Variants in OR7A10 observed in about 807,000 individuals in gnomAD.
The protein encoded by OR7A10 is olfactory receptor 7A10.
For missense variants in OR7A10, 358 were observed against 370.1 expected (o/e 0.97, Z 0.27); for synonymous variants, 144 against 144.5 (o/e 1.00, Z 0.02).
chr19:14,845,070 A>AAACACACACAC (rs1568259156), intron 1 of OR7A10, among the ~76,000 whole-genome samples: 1 of 141,628 alleles, frequency 7.1e-6, no homozygotes, highest in African/African-American at 2.6e-5. Context: ...CACACACACA[A>AAACACACACAC]ACACACACAC....
intron 1 of OR7A10, among the ~76,000 whole-genome samples, chr19:14,846,727 G>GAAAAAAAAAAAAAAAAAAAAAA (rs1242384296): frequency 1.3e-5 from 1 of 75,032 alleles, no homozygotes; most frequent in Non-Finnish European, 2.9e-5. Flanking sequence ...AAAAAAAAAG[G>GAAAAAAAAAAAAAAAAAAAAAA]AAAAGGAAGT....
At position 14,840,988 on chromosome 19, in the gene OR7A10, A is replaced by G. The variant is rs776727637; in HGVS notation, c.890T>C (p.Ile297Thr). ...PFIYSLRNKH[I>T]KGAMKTFFRG... ...GAAGAATGTTTTCATAGCACCCTTT[A>G]TGTGTTTATTCCTCAGACTGTAGAT... is the stretch of plus-strand genomic sequence containing the variant. Residue 297 changes from isoleucine to threonine, a missense_variant, in exon 2 of 2, where the codon ATA becomes ACA. Ile to Thr is a moderately conservative substitution (Grantham distance 89, BLOSUM62 -1). Transcript: ENST00000641129. 4.8e-5 allele frequency: 77 copies of G among 1,613,392 alleles called. No homozygotes were observed. The highest frequency in any genetic ancestry group is 6.1e-5 in the Non-Finnish European group (72 of 1,179,838).
In OR7A10 at chr19:14,846,709, C is replaced by CAAAAAAAA. The variant is rs60087409; in HGVS notation, c.-13+1783_-13+1790dup. 1.3e-3 allele frequency among the ~76,000 whole-genome samples: 85 copies of CAAAAAAAA among 64,026 alleles called. 9 individuals carry two copies. In the East Asian group the frequency reaches 0.026, roughly 19 times the overall value. 42.0% of individuals were successfully genotyped at this position (64,026 alleles called of 152,430 possible). On this transcript the variant is annotated intron_variant, in intron 1 of 1. Transcript: ENST00000641129. ...TGGGTGACAGAGCGAGACTCCATCT[C>CAAAAAAAA]AAAAAAAAAAAAAAAAGGAAAAGGA...
Position 14,840,750 on chromosome 19 carries a change from G to T in OR7A10, c.*198C>A. The stretch of plus-strand genomic sequence containing the variant: ...CATGTATGATTGAAAATTATATTCC[G>T]TCATATTTAAGGTCATCTCTGACTC... On this transcript the variant is annotated 3_prime_UTR_variant, in exon 2 of 2. Coordinates refer to ENST00000641129, the MANE Select transcript of OR7A10 (RefSeq NM_001005190.2). 3 of 452,056 alleles carry T rather than the reference G, an allele frequency of 6.6e-6. No individual in the cohort carries two copies. The Admixed American group carries it at 1.1e-4, about 17-fold the overall frequency. 28.0% of individuals were successfully genotyped at this position (452,056 alleles called of 1,614,324 possible). A position where few individuals can be genotyped will look rare whatever the true frequency, so the allele number is the denominator to read the frequency against.
chr19:14,846,068 C>T (rs1160344516), intron 1 of OR7A10, among the ~76,000 whole-genome samples: 1 of 152,088 alleles, frequency 6.6e-6, no homozygotes. Context: ...GCAGGAGAAT[C>T]GCTTCAACCC....
In OR7A10 at chr19:14,844,664, G is replaced by GTTTTTTTTT. The variant is rs1348866444; in HGVS notation, c.-12-2784_-12-2776dup. ...TTTTCACTGTTGCCTTGAGTTCTGT[G>GTTTTTTTTT]TTTTTTTTTTTTTTTTGAGATGGAG... On this transcript the variant is annotated intron_variant, in intron 1 of 1. Coordinates refer to ENST00000641129, the MANE Select transcript of OR7A10 (RefSeq NM_001005190.2). 2.2e-4 allele frequency among the ~76,000 whole-genome samples: 21 copies of GTTTTTTTTT among 97,658 alleles called. 1 individual carries two copies. The highest frequency in any genetic ancestry group is 5.6e-4 in the East Asian group (2 of 3,582). The allele number at this position is 97,658 out of a possible 152,430, so 64.1% of individuals were successfully genotyped here.
intron 1 of OR7A10, among the ~76,000 whole-genome samples, chr19:14,848,148 T>G (rs369204253): frequency 4.0e-4 from 60 of 151,894 alleles, no homozygotes; most frequent in African/African-American, 1.4e-3. Flanking sequence ...CCTCACTTCC[T>G]TTCGTATCCC....
chr19:14,845,720 C>T (rs2044939252), intron 1 of OR7A10, among the ~76,000 whole-genome samples: 1 of 152,092 alleles, frequency 6.6e-6, no homozygotes, highest in African/African-American at 2.4e-5. Context: ...GATATTCATT[C>T]ACTCGTTTTC....
chr19:14,844,664 G>GTTTTTTGTTTTTTTTTTTTTTTTT (rs1555697160), intron 1 of OR7A10, among the ~76,000 whole-genome samples: 7 of 97,660 alleles, frequency 7.2e-5, no homozygotes, highest in East Asian at 2.8e-4. Context: ...TGAGTTCTGT[G>GTTTTTTGTTTTTTTTTTTTTTTTT]TTTTTTTTTT....
chr19:14,846,986 A>G (rs2044945940), intron 1 of OR7A10, among the ~76,000 whole-genome samples: 1 of 152,220 alleles, frequency 6.6e-6, no homozygotes, highest in African/African-American at 2.4e-5. Context: ...TGACCGATGG[A>G]TGGATTTGGC....
At chr19:14,843,514 T>C (rs559919294) in intron 1 of OR7A10, among the ~76,000 whole-genome samples, 1 of 152,296 alleles carries the variant, frequency 6.6e-6, no homozygotes, top group South Asian at 2.1e-4. Flanking sequence ...TTTGTGTCTA[T>C]TGGCCAACAT....
chr19:14,847,724 T>C (rs889593734), intron 1 of OR7A10, among the ~76,000 whole-genome samples: 66 of 151,754 alleles, frequency 4.3e-4, no homozygotes, highest in African/African-American at 1.5e-3. Context: ...CTGTGTTAGC[T>C]AGGATGGTCT....
intron 1 of OR7A10, among the ~76,000 whole-genome samples, chr19:14,846,995 G>A (rs1020777002): frequency 3.9e-5 from 6 of 152,124 alleles, no homozygotes; most frequent in Non-Finnish European, 5.9e-5. Flanking sequence ...GATGGATTTG[G>A]CTACACAAGC....
chr19:14,841,705 G>C lies in OR7A10; in HGVS notation c.173C>G (p.Pro58Arg), dbSNP rs2044914473. 8 of 1,614,140 alleles carry C rather than the reference G, an allele frequency of 5.0e-6. No homozygotes were observed. The highest frequency in any genetic ancestry group is 6.8e-6 in the Non-Finnish European group (8 of 1,180,034). The change falls in exon 2 of 2, where the codon CCC (proline) becomes CGC (arginine). Residue 58 changes from proline to arginine, a missense_variant. Physicochemically the swap from Pro to Arg is moderately radical, Grantham distance 103. Transcript: ENST00000641129. The stretch of plus-strand genomic sequence containing the variant: ...CAGGTTGGAGAGGAAGAAGTACATG[G>C]GGGTGTGGAGGTGGGAGTCTGAGAT... ...ATISDSHLHT[P>R]MYFFLSNLSF...
At chr19:14,842,144 T>G (rs1383430303) in intron 1 of OR7A10, among the ~76,000 whole-genome samples, 1 of 152,154 alleles carries the variant, frequency 6.6e-6, no homozygotes, top group African/African-American at 2.4e-5. Flanking sequence ...GTCATGGGGG[T>G]TTAGTGTATA....
chr19:14,848,205 C>T (rs535605086), intron 1 of OR7A10, among the ~76,000 whole-genome samples: 48 of 152,136 alleles, frequency 3.2e-4, no homozygotes, highest in Admixed American at 1.2e-3. Flanking sequence ...TGCAGTGATG[C>T]TTGGGCAGAT....
rs1555697160 is a variant in OR7A10 at position 14,844,664 on chromosome 19, G to GTTTTTTGTTTTTTTTTTTTT, written c.-12-2776_-12-2775insAAAAAAAAAAAAACAAAAAA. On this transcript the variant is annotated intron_variant, in intron 1 of 1. Transcript: ENST00000641129. The stretch of plus-strand genomic sequence containing the variant: ...TTTTCACTGTTGCCTTGAGTTCTGT[G>GTTTTTTGTTTTTTTTTTTTT]TTTTTTTTTTTTTTTTGAGATGGAG... 2.2e-4 allele frequency among the ~76,000 whole-genome samples: 21 copies of GTTTTTTGTTTTTTTTTTTTT among 97,652 alleles called. 1 individual carries two copies. Among genetic ancestry groups the GTTTTTTGTTTTTTTTTTTTT allele is most frequent in the Admixed American group, 4.1e-4 (3 of 7,282 alleles). 64.1% of individuals were successfully genotyped at this position (97,652 alleles called of 152,430 possible). A position where few individuals can be genotyped will look rare whatever the true frequency, so the allele number is the denominator to read the frequency against.
rs2044929544 is a variant in OR7A10 at position 14,844,237 on chromosome 19, TAAAG to T, written c.-12-2352_-12-2349del. 2.6e-5 allele frequency among the ~76,000 whole-genome samples: 4 copies of T among 152,134 alleles called. No individual in the cohort carries two copies. In the South Asian group the frequency reaches 8.3e-4, roughly 32 times the overall value. ...TCAGGGCGTGACAGCTCCTACAAAG[TAAAG>T]AAAGAAGGCAAAAAAGAAAACATGG... is the stretch of plus-strand genomic sequence containing the variant. On this transcript the variant is annotated intron_variant, in intron 1 of 1. Transcript: ENST00000641129.
intron 1 of OR7A10, among the ~76,000 whole-genome samples, chr19:14,842,721 A>G (rs2044921938): frequency 6.6e-6 from 1 of 152,192 alleles, no homozygotes; most frequent in Non-Finnish European, 1.5e-5. Flanking sequence ...GCTTCGTAAT[A>G]TTCCATGGTA....
Sources: allele counts gnomAD v4.1 joint callset (sites outside exome capture counted in the v4.1 genomes callset), GRCh38; gene constraint gnomAD v4.1.1; transcripts MANE v1.5; gene names NCBI Gene and HGNC (gene_info 2026-07-23, HGNC 2026-07-21).